The following LARGE1 variants were observed in gnomAD, a reference collection of about 807,000 sequenced individuals.
The protein encoded by LARGE1 is LARGE xylosyl- and glucuronyltransferase 1.
LARGE1 carries 43 observed loss-of-function variants against 87.6 expected under a neutral mutation model. The ratio of observed to expected loss-of-function variants is 0.49; its 90% CI spans 0.38 to 0.63. The LOEUF is 0.63. Ranked by LOEUF, LARGE1 falls within the 30% of genes least tolerant of loss-of-function variation. The pLI is 0.00. For missense variants in LARGE1, 802 were observed against 1,000.2 expected (o/e 0.80, Z 2.67); for synonymous variants, 434 against 394.6 (o/e 1.10, Z -1.18).
At chr22:33,636,350 C>G (rs2080266910) in intron 3 of LARGE1, among the ~76,000 whole-genome samples, 1 of 152,138 alleles carries the variant, frequency 6.6e-6, no homozygotes, top group Non-Finnish European at 1.5e-5. Flanking sequence ...CAACAATGAT[C>G]AGTGTAGCGC....
chr22:33,722,650 T>A (rs905115540), intron 2 of LARGE1, among the ~76,000 whole-genome samples: 1 of 152,168 alleles, frequency 6.6e-6, no homozygotes, highest in Non-Finnish European at 1.5e-5. Context: ...GAAGGCACGT[T>A]ATAGTAAGTC....
intron 1 of LARGE1, among the ~76,000 whole-genome samples, chr22:33,773,314 C>T (rs768862512): frequency 1.3e-5 from 2 of 152,220 alleles, no homozygotes; most frequent in Non-Finnish European, 2.9e-5. Context: ...ACGCAATATG[C>T]TCTCAAACAA....
intron 6 of LARGE1, among the ~76,000 whole-genome samples, chr22:33,517,506 C>T (rs935382877): frequency 3.9e-5 from 6 of 152,146 alleles, no homozygotes; most frequent in Non-Finnish European, 8.8e-5. Flanking sequence ...CTCAGCCTCC[C>T]GAATAGCTGG....
intron 1 of LARGE1, among the ~76,000 whole-genome samples, chr22:33,764,772 A>C (rs949487026): frequency 6.6e-6 from 1 of 152,212 alleles, no homozygotes; most frequent in Non-Finnish European, 1.5e-5. Flanking sequence ...GGTAATAATA[A>C]ATTTTTTAAA....
intron 2 of LARGE1, among the ~76,000 whole-genome samples, chr22:33,730,010 G>A (rs371682749): frequency 2.6e-4 from 40 of 152,104 alleles, no homozygotes; most frequent in East Asian, 1.6e-3. Flanking sequence ...GCATGCGTGC[G>A]TGTGTGTGTT....
At chr22:33,813,254 G>GA (rs5845112) in intron 1 of LARGE1, among the ~76,000 whole-genome samples, 2,327 of 114,460 alleles carry the variant, frequency 0.02, 23 homozygotes, top group Non-Finnish European at 0.029. Flanking sequence ...TCCGTCTCAA[G>GA]AAAAAAAAAA....
chr22:33,339,050 A>G (rs1293737688), intron 9 of LARGE1, among the ~76,000 whole-genome samples: 1 of 151,422 alleles, frequency 6.6e-6, no homozygotes, highest in Non-Finnish European at 1.5e-5. Context: ...CAGGAGGCTG[A>G]GGCAAGAGAA....
chr22:33,322,375 T>C (rs944942837), intron 10 of LARGE1: 1 of 152,200 alleles, frequency 6.6e-6, no homozygotes, highest in Non-Finnish European at 1.5e-5. Flanking sequence ...TTTTCTGTAG[T>C]TAATTAATTC....
chr22:33,855,732 T>TG (rs959529843), intron 1 of LARGE1, among the ~76,000 whole-genome samples: 3 of 152,112 alleles, frequency 2.0e-5, no homozygotes, highest in South Asian at 2.1e-4. Context: ...AAACTCAGAG[T>TG]GGGGGGGTTC....
chr22:33,758,352 C>T (rs1256833306), intron 2 of LARGE1, among the ~76,000 whole-genome samples: 5 of 152,226 alleles, frequency 3.3e-5, no homozygotes, highest in Admixed American at 3.3e-4. Flanking sequence ...TCTAGATTGT[C>T]CTTACAGCAT....
At chr22:33,814,683 G>C (rs776794125) in intron 1 of LARGE1, among the ~76,000 whole-genome samples, 3 of 151,916 alleles carry the variant, frequency 2.0e-5, no homozygotes, top group Non-Finnish European at 2.9e-5. Context: ...TTTGGACTTA[G>C]CCCTACGATC....
At chr22:33,117,435 CTT>C in the LARGE1 span, among the ~76,000 whole-genome samples, 86,659 of 148,830 alleles carry the variant, frequency 0.58, 27,170 homozygotes, top group Non-Finnish European at 0.71. Context: ...ACATTATTAA[CTT>C]TTTTTTTTTT....
intron 2 of LARGE1, among the ~76,000 whole-genome samples, chr22:33,664,845 G>A (rs772066939): frequency 3.9e-5 from 6 of 152,056 alleles, no homozygotes; most frequent in Non-Finnish European, 7.4e-5. Flanking sequence ...GTGACAGAGC[G>A]AGACTCCATC....
rs185665448 is a variant in LARGE1, at chr22:33,424,392, T to C, written c.892+7769A>G. ...GGTGTAGAAGCCATCTCTCACAGAA[T>C]TCCTACCTATGGACAGAAGGTTTTG... On this transcript the variant is annotated intron_variant, in intron 7 of 14. Transcript: ENST00000397394. Among the ~76,000 whole-genome samples, 722 of 152,288 alleles carry C rather than the reference T, an allele frequency of 4.7e-3. 2 individuals are homozygous for C. The highest frequency in any genetic ancestry group is 0.01 in the Middle Eastern group (3 of 294).
At chr22:33,503,160 T>C (rs2070562505) in intron 6 of LARGE1, among the ~76,000 whole-genome samples, 1 of 151,980 alleles carries the variant, frequency 6.6e-6, no homozygotes, top group African/African-American at 2.4e-5. Flanking sequence ...ACCAAAGACG[T>C]GATTTCTTTA....
intron 7 of LARGE1, among the ~76,000 whole-genome samples, chr22:33,400,931 G>C (rs2147312366): frequency 6.6e-6 from 1 of 152,292 alleles, no homozygotes. Flanking sequence ...CATATTCTCA[G>C]TTTTTCCACT....
At chr22:33,371,710 C>T (rs374064733) in intron 9 of LARGE1, among the ~76,000 whole-genome samples, 1 of 152,106 alleles carries the variant, frequency 6.6e-6, no homozygotes, top group Admixed American at 6.5e-5. Flanking sequence ...GTTTGCCGGG[C>T]GCGGTGGCTC....
chr22:33,390,141 C>T (rs1200148409), intron 7 of LARGE1, among the ~76,000 whole-genome samples: 1 of 152,206 alleles, frequency 6.6e-6, no homozygotes, highest in Non-Finnish European at 1.5e-5. Flanking sequence ...GATTCTCAGG[C>T]TGCTTTTCTC....
chr22:33,859,905 C>CTAT (rs2063863503), intron 1 of LARGE1, among the ~76,000 whole-genome samples: 1 of 152,136 alleles, frequency 6.6e-6, no homozygotes, highest in Non-Finnish European at 1.5e-5. Context: ...TCATTCCACT[C>CTAT]ATATAAAGTA....
Sources: gnomAD v4.1 joint callset for allele counts (sites outside exome capture counted in the v4.1 genomes callset) on GRCh38, gnomAD v4.1.1 for gene constraint, MANE v1.5 for transcripts, NCBI Gene and HGNC (gene_info 2026-07-23, HGNC 2026-07-21) for gene names.